The following KIF13B variants were observed in gnomAD, a reference collection of about 807,000 sequenced individuals.
The protein encoded by KIF13B is kinesin-like protein KIF13B.
KIF13B carries 127 observed loss-of-function variants against 222.0 expected under a neutral mutation model. The observed-to-expected ratio is 0.57, with a 90% CI of 0.50 to 0.66. The LOEUF (loss-of-function observed/expected upper bound fraction) is 0.66. KIF13B is among the 30% of genes least tolerant of loss of function. The probability of loss-of-function intolerance (pLI) is 0.00; values close to 1 mark genes in which losing one functional copy is unlikely to be tolerated. For missense variants in KIF13B, 2,173 were observed against 2,379.0 expected (o/e 0.91, Z 1.80); for synonymous variants, 976 against 919.0 (o/e 1.06, Z -1.12).
intron 34 of KIF13B, 128 bp from the exon 35 acceptor site, chr8:29,108,320 G>T: frequency 1.3e-6 from 1 of 754,160 alleles, no homozygotes; most frequent in Non-Finnish European, 2.3e-6. Context: ...AGGTTGTCAT[G>T]ACGAAGGCTG....
intron 10 of KIF13B, among the ~76,000 whole-genome samples, chr8:29,169,197 T>C (rs764953627): frequency 1.3e-5 from 2 of 152,246 alleles, no homozygotes; most frequent in Admixed American, 1.3e-4. Flanking sequence ...GCACACACTT[T>C]ACTTAGGTCT....
chr8:29,155,792 G>C lies in KIF13B; in HGVS notation c.1469C>G (p.Pro490Arg). ...CGTGATGTCTATAATACAGTGTTCA[G>C]GAAGAATTCCCATGCCGCACAGTTG... ...DIQLCGMGIL[P>R]EHCIIDITSE... Residue 490 changes from proline (P) to arginine (R), a missense_variant, in exon 14 of 40, where the codon CCT becomes CGT. By Grantham distance (103) the Pro-to-Arg change is moderately radical. This residue lies in a region of KIF13B where 1,480 missense variants were observed against 1,722.8 expected (regional missense o/e 0.86). Transcript: ENST00000524189. The C allele has an allele frequency of 1.9e-6, 3 of 1,598,108 alleles. No homozygotes were observed. Among genetic ancestry groups the C allele is most frequent in the Non-Finnish European group, 2.6e-6 (3 of 1,171,160 alleles).
At chr8:29,090,152 AAAG>A (rs1586761303) in intron 37 of KIF13B, among the ~76,000 whole-genome samples, 2 of 152,288 alleles carry the variant, frequency 1.3e-5, no homozygotes, top group East Asian at 1.9e-4. Flanking sequence ...GTGAGCGAAT[AAAG>A]AAGAACGAAG....
Position 29,140,452 on chromosome 8 carries a change from T to A in KIF13B, c.2484+16A>T, listed in dbSNP as rs768938021. ...ACTATTCTCTACAGGAAACAAGGCA[T>A]GAAGAGAAAACCAACCTCTCCTTTC... is the stretch of plus-strand genomic sequence containing the variant. On this transcript the variant is annotated intron_variant, in intron 20 of 39. Coordinates refer to ENST00000524189, the MANE Select transcript of KIF13B (RefSeq NM_015254.4). The A allele has an allele frequency of 1.6e-5, 26 of 1,610,874 alleles. No homozygotes were observed. The South Asian group carries it at 2.2e-4, about 14-fold the overall frequency.
rs927255989 is a variant in KIF13B, at chr8:29,071,555, C to G, written c.5218+65G>C. The G allele has an allele frequency of 2.1e-6, 3 of 1,412,614 alleles. No individual in the cohort carries two copies. The highest frequency in any genetic ancestry group is 2.5e-5 in the East Asian group (1 of 40,146). The allele number at this position is 1,412,614 out of a possible 1,614,324, so 87.5% of individuals were successfully genotyped here. ...GCCCGGACCCTGTCCCCTCCCAGGC[C>G]GGCCACGTTCCTGCTTCCCCAGACC... On this transcript the variant is annotated intron_variant, in intron 39 of 39. Transcript: ENST00000524189. This position sits in a 1 kb window ranked among gnomAD's most constrained non-coding sequence, Gnocchi z 4.9.
chr8:29,177,097 T>C (rs1320786241), intron 9 of KIF13B, among the ~76,000 whole-genome samples: 1 of 152,142 alleles, frequency 6.6e-6, no homozygotes, highest in Non-Finnish European at 1.5e-5. Flanking sequence ...GGAACAGCCA[T>C]GGTTGTTGAA....
Position 29,099,162 on chromosome 8 carries a change from G to T in KIF13B, c.4295C>A (p.Ser1432Tyr). The T allele has an allele frequency of 1.2e-6, 2 of 1,613,572 alleles. No individual in the cohort carries two copies. The highest frequency in any genetic ancestry group is 1.7e-6 in the Non-Finnish European group (2 of 1,179,526). ...ATCTGGAGAATGGTTATTTTGGGGA[G>T]AAACAGAGAGGGCGGGGGCAGGAGC... ...GIAPAPALSV[S>Y]PQNNHSPDPG... Residue 1432 changes from serine to tyrosine, a missense_variant, in exon 36 of 40, where the codon TCT (serine) becomes TAT (tyrosine). Around this residue, in one of 2 missense-constraint regions of KIF13B, gnomAD observed 693 missense variants for 656.2 expected, o/e 1.06. Coordinates refer to ENST00000524189, the MANE Select transcript of KIF13B (RefSeq NM_015254.4).
At chr8:29,262,815 G>C (rs1816735287) in intron 1 of KIF13B, among the ~76,000 whole-genome samples, 165 bp downstream of exon 1, 1 of 151,348 alleles carries the variant, frequency 6.6e-6, no homozygotes, top group South Asian at 2.1e-4. Flanking sequence ...AGAGGGAGCC[G>C]GGCGTCTCAG....
At chr8:29,180,318 T>C (rs915541993) in intron 7 of KIF13B, 80 bp from the exon 8 acceptor site, 48 of 1,396,620 alleles carry the variant, frequency 3.4e-5, no homozygotes, top group African/African-American at 7.1e-5. Context: ...ACAAAATTCA[T>C]TGCAAGTTTT....
intron 30 of KIF13B, among the ~76,000 whole-genome samples, chr8:29,118,049 T>C (rs971830379): frequency 5.9e-5 from 9 of 151,596 alleles, no homozygotes; most frequent in Non-Finnish European, 1.2e-4. Flanking sequence ...TCACAGCTAC[T>C]TGGGATATTG....
intron 2 of KIF13B, among the ~76,000 whole-genome samples, chr8:29,208,424 T>A (rs1288037081): frequency 6.6e-6 from 1 of 152,228 alleles, no homozygotes; most frequent in Non-Finnish European, 1.5e-5. Flanking sequence ...TAAAATGAAA[T>A]CTGTGGTCCA....
At chr8:29,218,027 C>T (rs1814572504) in intron 2 of KIF13B, among the ~76,000 whole-genome samples, 2 of 152,180 alleles carry the variant, frequency 1.3e-5, no homozygotes, top group African/African-American at 4.8e-5. Context: ...CTGTTTCCTA[C>T]ATGTGAAATA....
At chr8:29,202,065 T>C (rs983034995) in intron 2 of KIF13B, among the ~76,000 whole-genome samples, 1 of 152,218 alleles carries the variant, frequency 6.6e-6, no homozygotes, top group African/African-American at 2.4e-5. Flanking sequence ...TAAATTCTAA[T>C]AGCAACATTG....
intron 2 of KIF13B, among the ~76,000 whole-genome samples, chr8:29,231,176 G>A (rs142317014): frequency 0.01 from 1,576 of 152,126 alleles, 29 homozygotes; most frequent in African/African-American, 0.035. Context: ...CACCACGCCC[G>A]GACGTGTGAC....
At chr8:29,252,127 C>T (rs1224204333) in intron 1 of KIF13B, among the ~76,000 whole-genome samples, 1 of 152,166 alleles carries the variant, frequency 6.6e-6, no homozygotes, top group East Asian at 1.9e-4. Flanking sequence ...TTAAAGATTC[C>T]GTATTATTTC....
chr8:29,108,089 G>A (rs1809176984), intron 35 of KIF13B, 50 bp downstream of exon 35: 1 of 1,480,834 alleles, frequency 6.8e-7, no homozygotes. Flanking sequence ...GATGAAAGCT[G>A]AATGGGAAAT....
At chr8:29,152,996 G>C (rs754139212) in intron 14 of KIF13B, among the ~76,000 whole-genome samples, 1 of 152,132 alleles carries the variant, frequency 6.6e-6, no homozygotes, top group African/African-American at 2.4e-5. Context: ...TGTGTGACTT[G>C]CTTTACTATG....
intron 5 of KIF13B, 93 bp from the exon 6 acceptor site, chr8:29,186,565 C>T (rs186325145): frequency 7.0e-5 from 70 of 992,954 alleles, no homozygotes; most frequent in South Asian, 2.7e-4. Flanking sequence ...CTTGGCAAAA[C>T]GCCAAAATGC....
intron 1 of KIF13B, among the ~76,000 whole-genome samples, chr8:29,256,794 G>A (rs373637317): frequency 2.6e-5 from 4 of 152,126 alleles, no homozygotes; most frequent in South Asian, 4.2e-4. Flanking sequence ...TCGCTCTGTC[G>A]CCCAGGCTAG....
Sources: gnomAD v4.1 joint callset for allele counts (sites outside exome capture counted in the v4.1 genomes callset) on GRCh38, gnomAD v4.1.1 for gene constraint, gnomAD v4.1.1 regional missense constraint, Gnocchi (gnomAD v3.1) non-coding constraint, MANE v1.5 for transcripts, NCBI Gene and HGNC (gene_info 2026-07-23, HGNC 2026-07-21) for gene names.